Variants in MAP4K3 observed in about 807,000 individuals in gnomAD.
The protein encoded by MAP4K3 is mitogen-activated protein kinase kinase kinase kinase 3, also known as MAPK/ERK kinase kinase kinase 3.
MAP4K3 carries 94 observed loss-of-function variants against 143.5 expected under a neutral mutation model. The ratio of observed to expected loss-of-function variants is 0.65; its 90% CI spans 0.55 to 0.78. MAP4K3 has a LOEUF of 0.78. MAP4K3 is among the 30% of genes least tolerant of loss of function. The pLI is 0.00. For missense variants in MAP4K3, 1,077 were observed against 1,068.1 expected, an observed-to-expected ratio of 1.01 and a Z score of -0.12; for synonymous variants, 416 against 347.2, an observed-to-expected ratio of 1.20 and a Z score of -2.20.
intron 3 of MAP4K3, among the ~76,000 whole-genome samples, chr2:39,344,602 T>C (rs1211735334): frequency 1.3e-4 from 20 of 152,202 alleles, no homozygotes; most frequent in Non-Finnish European, 2.8e-4. Flanking sequence ...ATTTACTATG[T>C]ATCCCTTTAT....
intron 1 of MAP4K3, among the ~76,000 whole-genome samples, chr2:39,413,263 G>A (rs1667279156): frequency 6.6e-6 from 1 of 152,160 alleles, no homozygotes; most frequent in South Asian, 2.1e-4. Flanking sequence ...GAGGATTTAA[G>A]CAAGAGATGA....
intron 1 of MAP4K3, among the ~76,000 whole-genome samples, chr2:39,426,111 A>C (rs1004002870): frequency 7.2e-5 from 11 of 152,196 alleles, no homozygotes; most frequent in African/African-American, 2.7e-4. Context: ...ATCAACATTA[A>C]TAAGGGGACT....
intron 28 of MAP4K3, 76 bp from the exon 29 acceptor site, chr2:39,260,853 G>T: frequency 1.0e-6 from 1 of 978,008 alleles, no homozygotes; most frequent in South Asian, 1.7e-5. Context: ...CTATAAAACA[G>T]CTTTCTACAA....
chr2:39,328,367 T>C (rs1455933271), intron 8 of MAP4K3, among the ~76,000 whole-genome samples: 1 of 152,102 alleles, frequency 6.6e-6, no homozygotes, highest in Non-Finnish European at 1.5e-5. Flanking sequence ...AATTAGTGAA[T>C]GCTTTAGAAA....
At chr2:39,310,980 C>T (rs1682919314) in intron 13 of MAP4K3, among the ~76,000 whole-genome samples, 1 of 152,174 alleles carries the variant, frequency 6.6e-6, no homozygotes, top group African/African-American at 2.4e-5. Context: ...GCCATTTCCA[C>T]AGTAAGAAAA....
At chr2:39,433,935 T>C (rs913126764) in intron 1 of MAP4K3, among the ~76,000 whole-genome samples, 2 of 152,184 alleles carry the variant, frequency 1.3e-5, no homozygotes, top group African/African-American at 4.8e-5. Flanking sequence ...GGTAATAATA[T>C]CTCCACAACA....
rs566603080 is a variant in MAP4K3 at position 39,258,306 on chromosome 2, T to C, written c.2470+42A>G. ...TGGATAATTAGCAGATAAATTATTT[T>C]AAGGAGTTCATAATGCAAAGAATTA... On this transcript the variant is annotated intron_variant, in intron 31 of 33. Coordinates refer to ENST00000263881, the MANE Select transcript of MAP4K3 (RefSeq NM_003618.4). 7.9e-5 allele frequency: 96 copies of C among 1,218,224 alleles called. No individual in the cohort carries two copies. The Middle Eastern group carries it at 1.4e-3, about 18-fold the overall frequency. The allele number at this position is 1,218,224 out of a possible 1,614,324, so 75.5% of individuals were successfully genotyped here. A position where few individuals can be genotyped will look rare whatever the true frequency, so the allele number is the denominator to read the frequency against.
intron 13 of MAP4K3, among the ~76,000 whole-genome samples, chr2:39,312,779 C>G (rs547199851): frequency 1.3e-4 from 20 of 152,186 alleles, no homozygotes; most frequent in Admixed American, 9.2e-4. Flanking sequence ...ACATATACCT[C>G]ATCTTGATAA....
At chr2:39,409,638 G>T (rs538128468) in intron 1 of MAP4K3, among the ~76,000 whole-genome samples, 1 of 152,292 alleles carries the variant, frequency 6.6e-6, no homozygotes, top group Non-Finnish European at 1.5e-5. Context: ...TGAGTATGCA[G>T]AGAACAGAAA....
At chr2:39,275,120 A>G (rs1321912729) in intron 24 of MAP4K3, among the ~76,000 whole-genome samples, 1 of 152,178 alleles carries the variant, frequency 6.6e-6, no homozygotes, top group Admixed American at 6.5e-5. Context: ...TAGTAATGTA[A>G]TTCAAATGCT....
intron 12 of MAP4K3, among the ~76,000 whole-genome samples, chr2:39,316,355 T>C (rs11124676): frequency 6.6e-6 from 1 of 151,968 alleles, no homozygotes; most frequent in African/African-American, 2.4e-5. Context: ...AACCTCTAGC[T>C]TGTCAGGAAC....
At chr2:39,377,937 T>C (rs369743034) in intron 2 of MAP4K3, 129 bp downstream of exon 2, 21 of 651,998 alleles carry the variant, frequency 3.2e-5, no homozygotes, top group East Asian at 1.8e-4. Context: ...GGAAAGGGCA[T>C]ACAAGCAGCT....
rs533133578 is a variant in MAP4K3, at chr2:39,413,682, G to C, written c.96+23210C>G. On this transcript the variant is annotated intron_variant, in intron 1 of 33. Coordinates refer to ENST00000263881, the MANE Select transcript of MAP4K3 (RefSeq NM_003618.4). ...AAAGTTGTAAGAGAAGCAAGACCAG[G>C]GTAGAGGTGGGCCCCCTGTATCACC... Among the ~76,000 whole-genome samples the C allele has an allele frequency of 6.1e-4, 93 of 151,856 alleles. 1 individual carries two copies. The highest frequency in any genetic ancestry group is 9.8e-4 in the Admixed American group (15 of 15,248).
chr2:39,286,714 T>C (rs1231861157), intron 21 of MAP4K3, 138 bp downstream of exon 21: 3 of 417,166 alleles, frequency 7.2e-6, no homozygotes, highest in Middle Eastern at 6.1e-4. Context: ...TTCACCATTA[T>C]AATTAATATA....
chr2:39,315,587 C>A, intron 12 of MAP4K3, 199 bp from the exon 13 acceptor site: 1 of 514,042 alleles, frequency 1.9e-6, no homozygotes, highest in East Asian at 3.3e-5. Context: ...TTTTTATTAT[C>A]CACAACATAA....
chr2:39,258,928 T>G (rs1680453022), intron 29 of MAP4K3, among the ~76,000 whole-genome samples: 2 of 152,204 alleles, frequency 1.3e-5, no homozygotes, highest in African/African-American at 4.8e-5. Flanking sequence ...AGTGGGAGAT[T>G]TGTAAATACA....
intron 6 of MAP4K3, among the ~76,000 whole-genome samples, chr2:39,335,637 C>G (rs935644032): frequency 3.3e-5 from 5 of 152,148 alleles, no homozygotes; most frequent in African/African-American, 1.2e-4. Flanking sequence ...CCATTTCTGA[C>G]AAAAATCTGT....
chr2:39,326,335 C>A (rs1683489162), intron 8 of MAP4K3, 58 bp from the exon 9 acceptor site: 7 of 1,566,072 alleles, frequency 4.5e-6, no homozygotes, highest in Non-Finnish European at 6.1e-6. Flanking sequence ...CTTTATACTC[C>A]CACCCAGAGG....
intron 14 of MAP4K3, among the ~76,000 whole-genome samples, chr2:39,309,013 A>G (rs1371552611): frequency 2.0e-5 from 3 of 152,224 alleles, no homozygotes; most frequent in Non-Finnish European, 4.4e-5. Flanking sequence ...CAGAATGGTA[A>G]AACAATTAAG....
Sources: gnomAD v4.1 joint callset for allele counts (sites outside exome capture counted in the v4.1 genomes callset) on GRCh38, gnomAD v4.1.1 for gene constraint, MANE v1.5 for transcripts, NCBI Gene and HGNC (gene_info 2026-07-23, HGNC 2026-07-21) for gene names.